TG: variants seen among roughly 807,000 people sequenced by gnomAD.
TG encodes thyroglobulin, also known as thyroid hormones.
TG carries 270 observed loss-of-function variants against 324.7 expected under a neutral mutation model. The observed-to-expected ratio is 0.83, with a 90% CI of 0.75 to 0.92. TG has a LOEUF of 0.92. Ranked by LOEUF, TG falls within the 40% of genes least tolerant of loss-of-function variation. The pLI, the probability that TG is intolerant of heterozygous loss-of-function variation, is 0.00. For synonymous variants in TG, 1,401 were observed against 1,327.0 expected (o/e 1.06, Z -1.21); for missense variants, 3,591 against 3,456.4 (o/e 1.04, Z -0.98).
intron 41 of TG, chr8:133,063,644 T>C (rs1323799298): frequency 6.6e-6 from 1 of 152,198 alleles, no homozygotes; most frequent in African/African-American, 2.4e-5. Context: ...ACGCTAACAG[T>C]CTTCTCTGCT....
chr8:133,120,568 C>T (rs3779951), intron 45 of TG, among the ~76,000 whole-genome samples: 34,551 of 152,026 alleles, frequency 0.23, 4,135 homozygotes, highest in African/African-American at 0.27. Flanking sequence ...TGGCCTAAGG[C>T]GATTCTTGGC....
chr8:132,972,917 C>G (rs576468498), intron 34 of TG, among the ~76,000 whole-genome samples, 176 bp downstream of exon 34: 7 of 152,274 alleles, frequency 4.6e-5, no homozygotes, highest in Middle Eastern at 3.4e-3. Context: ...AAAGTTTGCT[C>G]ATTGACTCAA....
chr8:133,125,782 G>C (rs1851471492), intron 45 of TG, among the ~76,000 whole-genome samples: 1 of 152,186 alleles, frequency 6.6e-6, no homozygotes, highest in African/African-American at 2.4e-5. Flanking sequence ...CTGTTGAAGA[G>C]GAGGGGAGTG....
intron 41 of TG, chr8:133,059,269 G>T: frequency 2.6e-6 from 1 of 383,150 alleles, no homozygotes; most frequent in African/African-American, 2.1e-5. Context: ...GGTGCCCCCT[G>T]GCTTCCCTAA....
intron 38 of TG, among the ~76,000 whole-genome samples, chr8:133,018,610 A>G (rs2130923188): frequency 6.6e-6 from 1 of 151,830 alleles, no homozygotes; most frequent in East Asian, 1.9e-4. Context: ...CCATGTGTAT[A>G]CCACTTTAAA....
chr8:132,980,618 T>C (rs1426248667), intron 34 of TG, among the ~76,000 whole-genome samples: 3 of 152,188 alleles, frequency 2.0e-5, no homozygotes, highest in Non-Finnish European at 4.4e-5. Context: ...CCAATTTATA[T>C]GGTCAGAAGT....
Position 132,881,941 on chromosome 8 carries a change from C to G in TG, c.717C>G (p.Asp239Glu), listed in dbSNP as rs1563901328. 6.2e-7 allele frequency: 1 copy of G among 1,613,988 alleles called. No individual in the cohort carries two copies. The highest frequency in any genetic ancestry group is 8.5e-7 in the Non-Finnish European group (1 of 1,179,832). The part of the protein sequence containing the change: ...PEVSGYCHCA[D>E]SQGRELAETG... The stretch of plus-strand genomic sequence containing the variant: ...TATCTGGGTATTGCCACTGTGCTGA[C>G]AGCCAAGGGCGGGAACTGGCTGAGA... Residue 239 changes from aspartate (D) to glutamate (E), a missense_variant, in exon 6 of 48, where the codon GAC becomes GAG. Transcript: ENST00000220616.
intron 31 of TG, among the ~76,000 whole-genome samples, chr8:132,969,000 G>A (rs1829060511): frequency 6.6e-6 from 1 of 152,112 alleles, no homozygotes; most frequent in South Asian, 2.1e-4. Context: ...GTGGGGAGAG[G>A]GCTGTTGTCA....
chr8:133,071,734 G>A (rs1193840119), intron 41 of TG, among the ~76,000 whole-genome samples: 2 of 152,086 alleles, frequency 1.3e-5, no homozygotes, highest in Admixed American at 1.3e-4. Flanking sequence ...GAAACCGACT[G>A]CACTGACTAC....
At chr8:133,098,049 C>G (rs1348475202) in intron 43 of TG, among the ~76,000 whole-genome samples, 1 of 152,110 alleles carries the variant, frequency 6.6e-6, no homozygotes, top group South Asian at 2.1e-4. Flanking sequence ...ACCTTTTGTA[C>G]CTGATCCATT....
At chr8:133,060,445 A>G (rs1842208066) in intron 41 of TG, 1 of 1,353,012 alleles carries the variant, frequency 7.4e-7, no homozygotes, top group East Asian at 2.7e-5. Context: ...GTTGGTGGCA[A>G]AAGTTTCCAT....
chr8:132,893,956 T>C (rs1364217627), intron 11 of TG, 27 bp downstream of exon 11: 1 of 1,614,046 alleles, frequency 6.2e-7, no homozygotes, highest in South Asian at 1.1e-5. Flanking sequence ...TCAGCTTTCT[T>C]ACTGCATCGC....
intron 32 of TG, 52 bp from the exon 33 acceptor site, chr8:132,971,742 C>T: frequency 1.6e-6 from 2 of 1,290,062 alleles, no homozygotes; most frequent in Admixed American, 1.7e-5. Context: ...CCCAGTAGGT[C>T]CTGGGTCACC....
chr8:133,108,172 G>C (rs1252096499), intron 43 of TG, among the ~76,000 whole-genome samples: 4 of 151,372 alleles, frequency 2.6e-5, no homozygotes, highest in African/African-American at 7.3e-5. Context: ...ATTTTTAGTA[G>C]AGATGGGGTT....
intron 14 of TG, among the ~76,000 whole-genome samples, chr8:132,899,436 C>T (rs1817607254): frequency 6.6e-6 from 1 of 152,176 alleles, no homozygotes; most frequent in African/African-American, 2.4e-5. Flanking sequence ...AATCTCTGGG[C>T]TTAGTGTCCT....
At chr8:133,103,728 A>G (rs1158554677) in intron 43 of TG, among the ~76,000 whole-genome samples, 2 of 152,188 alleles carry the variant, frequency 1.3e-5, no homozygotes, top group Non-Finnish European at 2.9e-5. Context: ...CCTTAACACC[A>G]TAAGGAGCAG....
chr8:133,056,148 T>C (rs983252246), intron 41 of TG, among the ~76,000 whole-genome samples: 1 of 152,180 alleles, frequency 6.6e-6, no homozygotes. Flanking sequence ...ACTAGTTACT[T>C]GATAATGTCT....
At chr8:132,987,803 A>G (rs904773219) in intron 35 of TG, among the ~76,000 whole-genome samples, 4 of 151,860 alleles carry the variant, frequency 2.6e-5, no homozygotes, top group South Asian at 2.1e-4. Flanking sequence ...GCATATGCAA[A>G]CCATTCTCTC....
intron 28 of TG, among the ~76,000 whole-genome samples, chr8:132,962,134 AGAG>A (rs1048719597): frequency 4.6e-5 from 7 of 152,282 alleles, no homozygotes; most frequent in Admixed American, 3.3e-4. Context: ...GGAAGGCAGA[AGAG>A]GAGGAGGAGG....
Sources: gnomAD v4.1 joint callset for allele counts (sites outside exome capture counted in the v4.1 genomes callset) on GRCh38, gnomAD v4.1.1 for gene constraint, MANE v1.5 for transcripts, NCBI Gene and HGNC (gene_info 2026-07-23, HGNC 2026-07-21) for gene names.